PLAAT5: variants seen among roughly 807,000 people sequenced by gnomAD.
The protein encoded by PLAAT5 is phospholipase A and acyltransferase 5.
In PLAAT5, 27 loss-of-function variants were observed where a neutral mutation model predicts 27.8. The observed-to-expected ratio is 0.97, with a 90% CI of 0.72 to 1.34. The LOEUF is 1.34. Ranked by LOEUF, PLAAT5 falls within the 40% of genes most tolerant of loss-of-function variation. PLAAT5 has a pLI of 0.00. For missense variants in PLAAT5, 368 were observed against 343.8 expected (o/e 1.07, Z -0.56); for synonymous variants, 125 against 136.1 (o/e 0.92, Z 0.57).
chr11:63,483,089 A>C (rs997818091), intron 3 of PLAAT5, among the ~76,000 whole-genome samples: 1 of 152,192 alleles, frequency 6.6e-6, no homozygotes, highest in Admixed American at 6.5e-5. Context: ...ATAACACAAG[A>C]GCTCCTAAGT....
chr11:63,463,930 G>C (rs1365611501), intron 5 of PLAAT5, among the ~76,000 whole-genome samples: 1 of 152,140 alleles, frequency 6.6e-6, no homozygotes, highest in Non-Finnish European at 1.5e-5. Context: ...GCCAGGGAGC[G>C]GAACTCACTT....
intron 3 of PLAAT5, among the ~76,000 whole-genome samples, chr11:63,483,817 A>ATG (rs1372674136): frequency 1.9e-5 from 2 of 104,670 alleles, no homozygotes; most frequent in Non-Finnish European, 2.0e-5. Context: ...ATATATATAT[A>ATG]TATATATATA....
intron 5 of PLAAT5, 104 bp downstream of exon 5, chr11:63,466,006 G>A (rs550644190): frequency 8.1e-5 from 99 of 1,220,556 alleles, no homozygotes; most frequent in Non-Finnish European, 1.0e-4. Flanking sequence ...CTAGTATAAC[G>A]AATAATATAA....
rs899066482 is a variant in PLAAT5, at chr11:63,491,107, G to T, written c.-73C>A. ...CCCCTGGCGAGTTCCCAGTCGGCGC[G>T]GCCCCTGGTCGGCGGAGCCGCGGAA... On this transcript the variant is annotated 5_prime_UTR_variant, in exon 1 of 6. Coordinates refer to ENST00000540857, the MANE Select transcript of PLAAT5 (RefSeq NM_001146729.2). 3 of 1,259,458 alleles carry T rather than the reference G, an allele frequency of 2.4e-6. No homozygotes were observed. The African/African-American group carries it at 4.7e-5, about 20-fold the overall frequency. 78.0% of individuals were successfully genotyped at this position (1,259,458 alleles called of 1,614,324 possible). A position where few individuals can be genotyped will look rare whatever the true frequency, so the allele number is the denominator to read the frequency against.
intron 5 of PLAAT5, among the ~76,000 whole-genome samples, chr11:63,464,032 C>G (rs1351272979): frequency 1.3e-5 from 2 of 152,212 alleles, no homozygotes; most frequent in African/African-American, 4.8e-5. Context: ...CAGAGGACTT[C>G]TTGTAATGCC....
At chr11:63,488,040 G>A (rs541853849) in intron 3 of PLAAT5, among the ~76,000 whole-genome samples, 2 of 152,320 alleles carry the variant, frequency 1.3e-5, no homozygotes, top group African/African-American at 4.8e-5. Context: ...AGCTACTCGG[G>A]AGGCTGAGGC....
In PLAAT5 at chr11:63,463,336, C is replaced by T; in HGVS notation, c.*167G>A. 1 of 661,862 alleles carries T rather than the reference C, an allele frequency of 1.5e-6. No homozygotes were observed. 41.0% of individuals were successfully genotyped at this position (661,862 alleles called of 1,614,324 possible). On this transcript the variant is annotated 3_prime_UTR_variant, in exon 6 of 6. Transcript: ENST00000540857. Reference sequence around the variant, plus strand: ...CATCCTGAGAGTCTGTGGGTCTATGCTCGTATATATTGGATGTATTTCTGG... The same window carrying T: ...CATCCTGAGAGTCTGTGGGTCTATGTTCGTATATATTGGATGTATTTCTGG...
chr11:63,490,993 G>A lies in PLAAT5; in HGVS notation c.42C>T (p.Arg14=). Residue 14 remains arginine (R), a synonymous_variant, in exon 1 of 6, where the codon CGC becomes CGT. Coordinates refer to ENST00000540857, the MANE Select transcript of PLAAT5 (RefSeq NM_001146729.2). ...GGAGGGGTGGGGGAATCCTAGGGAG[G>A]CGGAGCGCGTACTCCCCCTCGGCGC... ...SPGAEGEYAL[R]LPRIPPPLPK... 1 of 1,552,564 alleles carries A rather than the reference G, an allele frequency of 6.4e-7. No individual in the cohort carries two copies. The highest frequency in any genetic ancestry group is 1.2e-5 in the South Asian group (1 of 84,182).
intron 3 of PLAAT5, among the ~76,000 whole-genome samples, chr11:63,483,787 ATATATATATATATGTATATAT>A (rs1178646899): frequency 0.032 from 2,336 of 72,722 alleles, 137 homozygotes; most frequent in African/African-American, 0.17. Flanking sequence ...AAAAAAAAAT[ATATATATATATATGTATATAT>A]ATATATATAT....
chr11:63,467,030 G>A lies in PLAAT5; in HGVS notation c.455-658C>T, dbSNP rs184020863. Among the ~76,000 whole-genome samples the A allele has an allele frequency of 1.7e-3, 255 of 152,330 alleles. 1 individual carries two copies. Among genetic ancestry groups the A allele is most frequent in the African/African-American group, 5.9e-3 (245 of 41,576 alleles). On this transcript the variant is annotated intron_variant, in intron 4 of 5. Transcript: ENST00000540857. ...CTGAGATGAGACAGAGACTGAAAGA[G>A]GGTCAGGAACCTGCCCAAAGCTGGG...
chr11:63,483,969 A>C (rs1314284842), intron 3 of PLAAT5, among the ~76,000 whole-genome samples: 2 of 149,670 alleles, frequency 1.3e-5, no homozygotes, highest in Admixed American at 1.3e-4. Context: ...AAGACATGGG[A>C]GATATTAAAA....
At chr11:63,472,832 G>A (rs573098734) in intron 3 of PLAAT5, among the ~76,000 whole-genome samples, 12 of 152,182 alleles carry the variant, frequency 7.9e-5, no homozygotes, top group Non-Finnish European at 1.0e-4. Flanking sequence ...GCCCAGGCGC[G>A]GTGGCTCATG....
chr11:63,483,390 C>T (rs750181164), intron 3 of PLAAT5, among the ~76,000 whole-genome samples: 9 of 151,598 alleles, frequency 5.9e-5, no homozygotes, highest in African/African-American at 1.5e-4. Flanking sequence ...TTAAGAAAAT[C>T]GAAAATATAT....
chr11:63,469,152 G>C (rs552275504), intron 3 of PLAAT5, among the ~76,000 whole-genome samples: 4 of 151,854 alleles, frequency 2.6e-5, no homozygotes, highest in South Asian at 4.2e-4. Flanking sequence ...GTGTGAGAGA[G>C]AGAGAGAGAC....
Position 63,463,546 on chromosome 11 carries a change from G to A in PLAAT5, c.767C>T (p.Ser256Leu), listed in dbSNP as rs1287430026. 1.9e-6 allele frequency: 3 copies of A among 1,613,754 alleles called. No homozygotes were observed. Among genetic ancestry groups the A allele is most frequent in the South Asian group, 2.2e-5 (2 of 91,082 alleles). Reference protein sequence around the residue: ...EGAKAAGAVISAVVDSIKPKP... With the variant: ...EGAKAAGAVILAVVDSIKPKP... ...GGGCTTTATGCTATCCACTACAGCT[G>A]AAATAACTGCTCCAGCAGCCTTCGC... Residue 256 changes from serine (S) to leucine (L), a missense_variant, in exon 6 of 6, where the codon TCA becomes TTA. Physicochemically the swap from Ser to Leu is moderately radical, Grantham distance 145. Transcript: ENST00000540857.
chr11:63,485,727 T>C (rs1054198835), intron 3 of PLAAT5, among the ~76,000 whole-genome samples: 1 of 152,166 alleles, frequency 6.6e-6, no homozygotes, highest in Non-Finnish European at 1.5e-5. Context: ...AAAGAGTTCA[T>C]GATCAAGAAC....
chr11:63,475,994 G>A (rs1398897545), intron 3 of PLAAT5, among the ~76,000 whole-genome samples: 1 of 151,740 alleles, frequency 6.6e-6, no homozygotes, highest in Non-Finnish European at 1.5e-5. Context: ...ACAAATTTTT[G>A]TCTTTTAAAT....
At chr11:63,466,443 G>T in intron 4 of PLAAT5, 71 bp from the exon 5 acceptor site, 1 of 1,478,302 alleles carries the variant, frequency 6.8e-7, no homozygotes, top group Non-Finnish European at 9.2e-7. Context: ...CTAAGACTCT[G>T]AGTAAGCTGC....
At chr11:63,475,274 C>A (rs1032668624) in intron 3 of PLAAT5, among the ~76,000 whole-genome samples, 1 of 151,998 alleles carries the variant, frequency 6.6e-6, no homozygotes, top group Non-Finnish European at 1.5e-5. Flanking sequence ...TTTCTGAATT[C>A]CCAATTTATC....
Sources: gnomAD v4.1 joint callset for allele counts (sites outside exome capture counted in the v4.1 genomes callset) on GRCh38, gnomAD v4.1.1 for gene constraint, MANE v1.5 for transcripts, NCBI Gene and HGNC (gene_info 2026-07-23, HGNC 2026-07-21) for gene names.